COMMD10: variants seen among roughly 807,000 people sequenced by gnomAD.
The protein encoded by COMMD10 is COMM domain-containing protein 10.
Under a neutral mutation model 28.9 loss-of-function variants are expected in COMMD10, and 33 were observed. That is an observed-to-expected ratio of 1.14 (90% CI 0.87 to 1.53). The LOEUF (loss-of-function observed/expected upper bound fraction) is 1.53, where lower values mean the gene tolerates loss of function less well. Ranked by LOEUF, COMMD10 falls within the 40% of genes most tolerant of loss-of-function variation. COMMD10 has a pLI of 0.00. For synonymous variants in COMMD10, 110 were observed against 81.7 expected, an observed-to-expected ratio of 1.35 and a Z score of -1.87; for missense variants, 310 against 233.4, an observed-to-expected ratio of 1.33 and a Z score of -2.14.
chr5:116,216,395 A>G (rs949199483), intron 5 of COMMD10, among the ~76,000 whole-genome samples: 1 of 152,224 alleles, frequency 6.6e-6, no homozygotes, highest in Non-Finnish European at 1.5e-5. Flanking sequence ...CATAAAACAA[A>G]TCTGATGTTG....
intron 5 of COMMD10, among the ~76,000 whole-genome samples, chr5:116,174,633 G>T (rs1339117680): frequency 6.6e-6 from 1 of 152,010 alleles, no homozygotes; most frequent in African/African-American, 2.4e-5. Flanking sequence ...AGGGAATATG[G>T]TAGGATTTGT....
At chr5:116,172,773 A>T (rs879808140) in intron 5 of COMMD10, among the ~76,000 whole-genome samples, 1 of 152,152 alleles carries the variant, frequency 6.6e-6, no homozygotes, top group African/African-American at 2.4e-5. Context: ...TTAAAATTAA[A>T]ATATTACTAA....
rs1448584352 is a variant in COMMD10, at chr5:116,170,815, C to T, written c.510+36637C>T. 2.0e-5 allele frequency among the ~76,000 whole-genome samples: 3 copies of T among 152,132 alleles called. No individual in the cohort carries two copies. The South Asian group carries it at 6.2e-4, about 32-fold the overall frequency. Reference sequence around the variant, plus strand: ...AAACTGAAACTGGACCCCTTCCTTACACCTTATATAAAAATTAACTCAAGA... The same window carrying T: ...AAACTGAAACTGGACCCCTTCCTTATACCTTATATAAAAATTAACTCAAGA... On this transcript the variant is annotated intron_variant, in intron 5 of 6. Transcript: ENST00000274458.
chr5:116,256,992 A>G (rs1373112048), intron 5 of COMMD10, among the ~76,000 whole-genome samples: 1 of 151,796 alleles, frequency 6.6e-6, no homozygotes, highest in Non-Finnish European at 1.5e-5. Flanking sequence ...AAGCAGCATA[A>G]TAGCATCAAA....
intron 6 of COMMD10, 82 bp from the exon 7 acceptor site, chr5:116,292,369 A>T (rs1188661208): frequency 8.3e-6 from 7 of 840,854 alleles, no homozygotes; most frequent in Non-Finnish European, 1.0e-5. Flanking sequence ...TTTCCTTTCT[A>T]TTTGCATGTG....
intron 5 of COMMD10, among the ~76,000 whole-genome samples, chr5:116,214,482 C>A (rs77359698): frequency 6.6e-6 from 1 of 152,184 alleles, no homozygotes; most frequent in Non-Finnish European, 1.5e-5. Context: ...TTGTTACAGG[C>A]ACTTTTACAT....
In COMMD10 at chr5:116,246,942, G is replaced by A. The variant is rs559934139; in HGVS notation, c.511-44575G>A. Among the ~76,000 whole-genome samples the A allele has an allele frequency of 4.6e-5, 7 of 152,066 alleles. No individual in the cohort carries two copies. In the South Asian group the frequency reaches 6.2e-4, roughly 14 times the overall value. ...GCAAAGATTTCATGATGAAGACACC[G>A]AAAGCGATTGCAACAAAAGCAAAAA... On this transcript the variant is annotated intron_variant, in intron 5 of 6. Coordinates refer to ENST00000274458, the MANE Select transcript of COMMD10 (RefSeq NM_016144.4).
chr5:116,258,158 G>C (rs1750342549), intron 5 of COMMD10, among the ~76,000 whole-genome samples: 1 of 151,610 alleles, frequency 6.6e-6, no homozygotes, highest in Non-Finnish European at 1.5e-5. Flanking sequence ...ACATCTACTT[G>C]TATAAAGAAT....
chr5:116,095,256 C>A (rs978308813), intron 4 of COMMD10, among the ~76,000 whole-genome samples: 1 of 152,018 alleles, frequency 6.6e-6, no homozygotes, highest in African/African-American at 2.4e-5. Context: ...ATTACACAGT[C>A]TATGCATATA....
chr5:116,098,869 A>G (rs368646130), intron 4 of COMMD10, among the ~76,000 whole-genome samples: 13 of 152,208 alleles, frequency 8.5e-5, no homozygotes, highest in African/African-American at 2.9e-4. Flanking sequence ...AGGGTGTGCA[A>G]TGTGATGATT....
At chr5:116,178,415 T>G (rs1747819630) in intron 5 of COMMD10, among the ~76,000 whole-genome samples, 1 of 152,110 alleles carries the variant, frequency 6.6e-6, no homozygotes, top group South Asian at 2.1e-4. Flanking sequence ...AGTATATGAT[T>G]ACATTACATA....
chr5:116,290,874 T>C (rs2112718074), intron 5 of COMMD10, among the ~76,000 whole-genome samples: 1 of 152,328 alleles, frequency 6.6e-6, no homozygotes, highest in Non-Finnish European at 1.5e-5. Flanking sequence ...TATCATACTT[T>C]ACTACAGCAT....
intron 5 of COMMD10, among the ~76,000 whole-genome samples, chr5:116,167,652 G>A (rs566871990): frequency 2.6e-5 from 4 of 152,270 alleles, no homozygotes; most frequent in South Asian, 4.1e-4. Context: ...AACCCTACAA[G>A]CCAGAAGAGA....
At chr5:116,264,362 A>T (rs1750527297) in intron 5 of COMMD10, among the ~76,000 whole-genome samples, 2 of 151,986 alleles carry the variant, frequency 1.3e-5, no homozygotes, top group South Asian at 2.1e-4. Context: ...TAGTTACAAA[A>T]ATTACTGCTT....
chr5:116,252,055 G>T (rs528460933), intron 5 of COMMD10, among the ~76,000 whole-genome samples: 6 of 149,922 alleles, frequency 4.0e-5, no homozygotes, highest in African/African-American at 1.5e-4. Context: ...GCCAGTGATG[G>T]TGAGCATTTT....
At chr5:116,270,614 T>C (rs937931214) in intron 5 of COMMD10, among the ~76,000 whole-genome samples, 4 of 151,844 alleles carry the variant, frequency 2.6e-5, no homozygotes, top group Admixed American at 6.6e-5. Context: ...GCTGCTGCTT[T>C]GTATAATCAT....
intron 5 of COMMD10, among the ~76,000 whole-genome samples, chr5:116,175,041 T>C (rs543056406): frequency 1.2e-4 from 18 of 152,244 alleles, no homozygotes; most frequent in African/African-American, 2.9e-4. Context: ...CTCTTTGTGA[T>C]CTTTCATAAC....
chr5:116,190,354 TAGC>T (rs1748322356), intron 5 of COMMD10, among the ~76,000 whole-genome samples: 1 of 152,196 alleles, frequency 6.6e-6, no homozygotes, highest in Non-Finnish European at 1.5e-5. Flanking sequence ...GAGGAACAGA[TAGC>T]AGTGACAGTG....
chr5:116,116,743 G>A (rs1251982892), intron 4 of COMMD10, among the ~76,000 whole-genome samples: 3 of 139,334 alleles, frequency 2.2e-5, no homozygotes, highest in Non-Finnish European at 3.0e-5. Context: ...ACGGAGTCTC[G>A]CTCTGTCGCC....
Sources: gnomAD v4.1 joint callset for allele counts (sites outside exome capture counted in the v4.1 genomes callset) on GRCh38, gnomAD v4.1.1 for gene constraint, MANE v1.5 for transcripts, NCBI Gene and HGNC (gene_info 2026-07-23, HGNC 2026-07-21) for gene names.